The following MAP2 variants were observed in gnomAD, a reference collection of about 807,000 sequenced individuals.
MAP2 encodes microtubule associated protein 2, also known as microtubule-associated protein 2.
Under a neutral mutation model 137.6 loss-of-function variants are expected in MAP2, and 14 were observed. The ratio of observed to expected loss-of-function variants is 0.10; its 90% CI spans 0.07 to 0.16. The LOEUF (loss-of-function observed/expected upper bound fraction) is 0.16. Among genes scored for constraint, MAP2 ranks in the 10% least tolerant of loss-of-function variants. The pLI is 1.00. For synonymous variants in MAP2, 786 were observed against 782.3 expected (o/e 1.00, Z -0.08); for missense variants, 2,088 against 2,191.5 (o/e 0.95, Z 0.94).
intron 2 of MAP2, among the ~76,000 whole-genome samples, chr2:209,538,485 A>G (rs1211205318): frequency 6.6e-6 from 1 of 151,902 alleles, no homozygotes; most frequent in Non-Finnish European, 1.5e-5. Flanking sequence ...AAGTTGAAAC[A>G]AGACAAAACT....
intron 3 of MAP2, among the ~76,000 whole-genome samples, chr2:209,623,819 A>G (rs2091771221): frequency 6.6e-6 from 1 of 152,146 alleles, no homozygotes; most frequent in African/African-American, 2.4e-5. Context: ...ATAGTTATCA[A>G]ATTATTACAG....
At chr2:209,563,685 C>T (rs576838015) in intron 2 of MAP2, among the ~76,000 whole-genome samples, 46 of 152,270 alleles carry the variant, frequency 3.0e-4, no homozygotes, top group African/African-American at 1.1e-3. Flanking sequence ...TTAACATAGC[C>T]CCTTGTGGGC....
chr2:209,604,281 G>A (rs893943071), intron 3 of MAP2, among the ~76,000 whole-genome samples: 5 of 152,154 alleles, frequency 3.3e-5, no homozygotes, highest in African/African-American at 1.2e-4. Flanking sequence ...CTTGAAACAA[G>A]AATGCCACAT....
chr2:209,693,846 A>G lies in MAP2; in HGVS notation c.1676A>G (p.Asp559Gly), dbSNP rs1431981693. 5.0e-6 allele frequency: 8 copies of G among 1,613,494 alleles called. No individual in the cohort carries two copies. The African/African-American group carries it at 8.0e-5, about 16-fold the overall frequency. ...GGAGCTGCAACATCAGCTGAGCTTGATATGCCATTTTATGAAGATAAATCA... is the reference window on the plus strand; with the variant it reads ...GGAGCTGCAACATCAGCTGAGCTTGGTATGCCATTTTATGAAGATAAATCA... The part of the protein sequence containing the change: ...GVGAATSAEL[D>G]MPFYEDKSGM... Residue 559 changes from aspartate (D) to glycine (G), a missense_variant, in exon 8 of 16, where the codon GAT becomes GGT. Physicochemically the swap from Asp to Gly is moderately conservative, Grantham distance 94. Coordinates refer to ENST00000682079, the MANE Select transcript of MAP2 (RefSeq NM_001375505.1).
rs760895012 is a variant in MAP2, at chr2:209,694,696, T to C, written c.2526T>C (p.Asp842=). Residue 842 remains aspartate (D), a synonymous_variant, in exon 8 of 16, where the codon GAT becomes GAC. Transcript: ENST00000682079. ...TCCCATCAGAGACTGTGGTTGAGGATAGTCGTACTGGCTTGCCCCCGGTAA... is the reference window on the plus strand; with the variant it reads ...TCCCATCAGAGACTGTGGTTGAGGACAGTCGTACTGGCTTGCCCCCGGTAA... ...KSVPSETVVE[D]SRTGLPPVTD... The C allele has an allele frequency of 6.2e-7, 1 of 1,614,082 alleles. No individual in the cohort carries two copies. The highest frequency in any genetic ancestry group is 2.2e-5 in the East Asian group (1 of 44,868).
At chr2:209,700,251 G>A (rs764357128) in intron 10 of MAP2, 26 bp from the exon 11 acceptor site, 27 of 1,604,708 alleles carry the variant, frequency 1.7e-5, no homozygotes, top group Non-Finnish European at 2.3e-5. Flanking sequence ...CTAAGTTTGG[G>A]GTTGTTTGTC....
At chr2:209,605,611 C>T (rs2084413200) in intron 3 of MAP2, among the ~76,000 whole-genome samples, 1 of 152,072 alleles carries the variant, frequency 6.6e-6, no homozygotes, top group South Asian at 2.1e-4. Context: ...TTTATGCCAC[C>T]TTTGGCTTTT....
chr2:209,723,764 C>A, intron 13 of MAP2: 1 of 922,962 alleles, frequency 1.1e-6, no homozygotes, highest in South Asian at 1.4e-5. Flanking sequence ...GCCTTCTTTC[C>A]CACCTCTTTC....
chr2:209,464,622 C>T (rs1703680505), intron 1 of MAP2, among the ~76,000 whole-genome samples: 1 of 151,912 alleles, frequency 6.6e-6, no homozygotes, highest in African/African-American at 2.4e-5. Context: ...TCCAGTCCAG[C>T]ATTCATTAAT....
intron 5 of MAP2, among the ~76,000 whole-genome samples, chr2:209,656,912 A>C (rs185541333): frequency 1.3e-5 from 2 of 152,028 alleles, no homozygotes; most frequent in East Asian, 3.9e-4. Flanking sequence ...TAATTTTTCA[A>C]CCCTCACCTC....
At chr2:209,639,912 ATAGAG>A (rs2153573649) in intron 4 of MAP2, among the ~76,000 whole-genome samples, 1 of 152,220 alleles carries the variant, frequency 6.6e-6, no homozygotes, top group African/African-American at 2.4e-5. Flanking sequence ...TGAGGGAGAC[ATAGAG>A]TAGAGAGGAA....
chr2:209,520,076 A>G (rs1434035753), intron 2 of MAP2, among the ~76,000 whole-genome samples: 1 of 152,062 alleles, frequency 6.6e-6, no homozygotes, highest in Non-Finnish European at 1.5e-5. Context: ...TGCTCATTCA[A>G]ATGTTAATGT....
chr2:209,693,604 G>C lies in MAP2; in HGVS notation c.1434G>C (p.Glu478Asp). 2 of 1,613,894 alleles carry C rather than the reference G, an allele frequency of 1.2e-6. No homozygotes were observed. The highest frequency in any genetic ancestry group is 2.2e-5 in the South Asian group (2 of 91,070). The change falls in exon 8 of 16, where the codon GAG (glutamate) becomes GAC (aspartate). Residue 478 changes from glutamate to aspartate, a missense_variant. Transcript: ENST00000682079. ...TAGGCATAATTCAGACCTCCACAGA[G>C]CACACTTTCTCAGAACAGAAAGACC... ...EEIGIIQTSTEHTFSEQKDQE... is the reference protein window; with the variant it reads ...EEIGIIQTSTDHTFSEQKDQE...
Position 209,449,837 on chromosome 2 carries a change from G to C in MAP2, c.-222+25561G>C, listed in dbSNP as rs542762548. On this transcript the variant is annotated intron_variant, in intron 1 of 15. Transcript: ENST00000682079. Reference sequence around the variant, plus strand: ...AAGGTTAGTGACACTTTTTATTGCTGTGTGTTGCAGGAGTATACTTGTATT... The same window carrying C: ...AAGGTTAGTGACACTTTTTATTGCTCTGTGTTGCAGGAGTATACTTGTATT... 6.1e-4 allele frequency among the ~76,000 whole-genome samples: 93 copies of C among 152,258 alleles called. 1 individual carries two copies. The highest frequency in any genetic ancestry group is 2.1e-3 in the African/African-American group (88 of 41,570).
intron 1 of MAP2, among the ~76,000 whole-genome samples, chr2:209,425,883 A>G (rs2149226053): frequency 6.6e-6 from 1 of 152,352 alleles, no homozygotes; most frequent in South Asian, 2.1e-4. Context: ...TATAACACAA[A>G]GCAGCCCTTT....
chr2:209,715,998 A>G (rs1487066345), intron 13 of MAP2, among the ~76,000 whole-genome samples: 1 of 152,048 alleles, frequency 6.6e-6, no homozygotes. Flanking sequence ...AAATCTGGCC[A>G]TTTCACTCAG....
intron 3 of MAP2, among the ~76,000 whole-genome samples, chr2:209,590,501 A>C (rs2078971062): frequency 6.6e-6 from 1 of 152,042 alleles, no homozygotes; most frequent in African/African-American, 2.4e-5. Context: ...ACGCCTGGCT[A>C]ATTTTGTATT....
In MAP2 at chr2:209,577,230, G is replaced by A. The variant is rs544717772; in HGVS notation, c.-171-2806G>A. Reference sequence around the variant, plus strand: ...AGGGGCATTTTTTTTTTTGCGGGTCGGGGGAAGAATTCTAACCAGTATGTA... The same window carrying A: ...AGGGGCATTTTTTTTTTTGCGGGTCAGGGGAAGAATTCTAACCAGTATGTA... On this transcript the variant is annotated intron_variant, in intron 2 of 15. Transcript: ENST00000682079. Among the ~76,000 whole-genome samples, 15 of 151,498 alleles carry A rather than the reference G, an allele frequency of 9.9e-5. No individual in the cohort carries two copies. The South Asian group carries it at 2.7e-3, about 27-fold the overall frequency.
intron 1 of MAP2, among the ~76,000 whole-genome samples, chr2:209,500,657 A>T (rs1300051993): frequency 4.6e-5 from 7 of 151,862 alleles, no homozygotes; most frequent in African/African-American, 1.5e-4. Flanking sequence ...ATCCCACTAG[A>T]TTCTAACTAA....
Sources: allele counts gnomAD v4.1 joint callset (sites outside exome capture counted in the v4.1 genomes callset), GRCh38; gene constraint gnomAD v4.1.1; transcripts MANE v1.5; gene names NCBI Gene and HGNC (gene_info 2026-07-23, HGNC 2026-07-21).